Variants in ELMO1 observed in about 807,000 individuals in gnomAD.
ELMO1 encodes engulfment and cell motility 1, also known as engulfment and cell motility protein 1.
A neutral mutation model predicts 98.9 loss-of-function variants in ELMO1; 26 were observed. The ratio of observed to expected loss-of-function variants is 0.26; its 90% CI spans 0.19 to 0.36. The LOEUF is 0.36. ELMO1 is among the 10% of genes least tolerant of loss of function. ELMO1 has a pLI of 1.00. For synonymous variants in ELMO1, 346 were observed against 346.0 expected (o/e 1.00, Z 0.00); for missense variants, 627 against 935.2 (o/e 0.67, Z 4.30).
chr7:37,163,477 A>G (rs960692862), intron 13 of ELMO1, among the ~76,000 whole-genome samples: 6 of 151,990 alleles, frequency 3.9e-5, no homozygotes, highest in African/African-American at 1.2e-4. Flanking sequence ...ATATCTCCCA[A>G]TGCTATCCCT....
intron 15 of ELMO1, among the ~76,000 whole-genome samples, chr7:37,044,339 G>T (rs1204447745): frequency 1.3e-5 from 2 of 152,158 alleles, no homozygotes; most frequent in Non-Finnish European, 2.9e-5. Context: ...AAAAGCTAAT[G>T]TGAGTGTACA....
intron 1 of ELMO1, among the ~76,000 whole-genome samples, chr7:37,418,387 A>G (rs1804322288): frequency 6.6e-6 from 1 of 152,198 alleles, no homozygotes; most frequent in African/African-American, 2.4e-5. Context: ...CCCTGACAGC[A>G]GCCTGCAGCA....
intron 16 of ELMO1, among the ~76,000 whole-genome samples, chr7:37,007,207 C>T (rs145405283): frequency 1.1e-4 from 17 of 152,254 alleles, no homozygotes; most frequent in Non-Finnish European, 2.5e-4. Flanking sequence ...TTGTTAATCG[C>T]CTAGACAGTT....
chr7:37,218,504 A>C (rs527965511), intron 10 of ELMO1, among the ~76,000 whole-genome samples: 28 of 152,240 alleles, frequency 1.8e-4, no homozygotes, highest in Non-Finnish European at 3.4e-4. Context: ...GAAAATAGAA[A>C]TATCCATGCC....
At chr7:36,956,801 T>TAAA (rs148382805) in intron 16 of ELMO1, among the ~76,000 whole-genome samples, 4,626 of 152,202 alleles carry the variant, frequency 0.03, 228 homozygotes, top group African/African-American at 0.1. Context: ...ACTTAATGAG[T>TAAA]AAATAATCAG....
At chr7:37,437,296 G>A (rs1805191035) in intron 1 of ELMO1, among the ~76,000 whole-genome samples, 1 of 151,822 alleles carries the variant, frequency 6.6e-6, no homozygotes, top group Admixed American at 6.6e-5. Flanking sequence ...TCCCCTCAAA[G>A]TAAAAAAAAA....
rs117324797 is a variant in ELMO1 at position 37,041,570 on chromosome 7, C to T, written c.1301-28135G>A. 6.3e-3 allele frequency among the ~76,000 whole-genome samples: 957 copies of T among 152,164 alleles called. 7 individuals carry two copies. The highest frequency in any genetic ancestry group is 0.011 in the Non-Finnish European group (724 of 67,998). ...AGTGAGGAAGTGGGGAGCAAGGAAG[C>T]GGGGAGACACTGTTTGAAAAGTATC... On this transcript the variant is annotated intron_variant, in intron 15 of 21. Coordinates refer to ENST00000310758, the MANE Select transcript of ELMO1 (RefSeq NM_014800.11).
chr7:36,888,532 C>T (rs1048536849), intron 17 of ELMO1, among the ~76,000 whole-genome samples: 2 of 152,194 alleles, frequency 1.3e-5, no homozygotes, highest in African/African-American at 2.4e-5. Context: ...GAGTTTCAGT[C>T]TAGGCTCTGC....
chr7:37,434,343 C>T (rs1318696120), intron 1 of ELMO1, among the ~76,000 whole-genome samples: 1 of 152,170 alleles, frequency 6.6e-6, no homozygotes, highest in African/African-American at 2.4e-5. Context: ...TCCTGGGTCC[C>T]CAGTGATTCT....
chr7:37,448,352 C>A (rs1450892075), intron 1 of ELMO1, among the ~76,000 whole-genome samples: 2 of 151,132 alleles, frequency 1.3e-5, no homozygotes, highest in Admixed American at 1.3e-4. Context: ...GGCTCCCGGG[C>A]CCCGGGCCCT....
At chr7:37,406,988 A>G (rs370411607) in intron 1 of ELMO1, among the ~76,000 whole-genome samples, 22 of 152,342 alleles carry the variant, frequency 1.4e-4, no homozygotes, top group African/African-American at 5.3e-4. Context: ...ATTGGAGGGT[A>G]AATTAATATA....
intron 8 of ELMO1, among the ~76,000 whole-genome samples, chr7:37,227,653 TG>T (rs1195759628): frequency 6.6e-6 from 1 of 152,210 alleles, no homozygotes; most frequent in African/African-American, 2.4e-5. Context: ...CCCAAAGTGC[TG>T]GGATTACAGG....
At chr7:36,958,696 C>A (rs1179089105) in intron 16 of ELMO1, among the ~76,000 whole-genome samples, 8 of 152,090 alleles carry the variant, frequency 5.3e-5, no homozygotes, top group Non-Finnish European at 8.8e-5. Context: ...TCTCGTGGCA[C>A]TACAAAACGC....
chr7:37,087,535 A>T lies in ELMO1; in HGVS notation c.1300+9084T>A, dbSNP rs543608835. ...ACTATTTTAACATTATTGGGTTTAA[A>T]TTGAAATTAGCATCTGGGTTTTCAC... On this transcript the variant is annotated intron_variant, in intron 15 of 21. Coordinates refer to ENST00000310758, the MANE Select transcript of ELMO1 (RefSeq NM_014800.11). Among the ~76,000 whole-genome samples the T allele has an allele frequency of 3.3e-5, 5 of 152,264 alleles. No homozygotes were observed. The East Asian group carries it at 7.7e-4, about 24-fold the overall frequency.
At chr7:37,304,045 T>TC (rs1416174107) in intron 4 of ELMO1, among the ~76,000 whole-genome samples, 1 of 152,210 alleles carries the variant, frequency 6.6e-6, no homozygotes, top group Non-Finnish European at 1.5e-5. Flanking sequence ...TGTTTTTTTT[T>TC]CTTCATCCTG....
chr7:37,038,065 A>G (rs925103610), intron 15 of ELMO1, among the ~76,000 whole-genome samples: 2 of 152,150 alleles, frequency 1.3e-5, no homozygotes, highest in African/African-American at 4.8e-5. Flanking sequence ...TATATTCCTT[A>G]GCTGTCTCTG....
chr7:37,431,995 C>A (rs1407659704), intron 1 of ELMO1, among the ~76,000 whole-genome samples: 1 of 152,210 alleles, frequency 6.6e-6, no homozygotes, highest in Non-Finnish European at 1.5e-5. Context: ...GATTCTCCTG[C>A]CTCAGCCTCC....
Position 36,936,029 on chromosome 7 carries a change from A to G in ELMO1, c.1438-41012T>C, listed in dbSNP as rs549888384. On this transcript the variant is annotated intron_variant, in intron 16 of 21. Coordinates refer to ENST00000310758, the MANE Select transcript of ELMO1 (RefSeq NM_014800.11). The stretch of plus-strand genomic sequence containing the variant: ...CCCTGTTTTATTCAGGTGTCCACTC[A>G]CCCTCCAGGCAGCCCTAGCACCTGA... Among the ~76,000 whole-genome samples, 25 of 151,942 alleles carry G rather than the reference A, an allele frequency of 1.6e-4. 1 individual carries two copies. In the South Asian group the frequency reaches 5.0e-3, roughly 30 times the overall value.
chr7:37,147,927 C>T (rs532240358), intron 13 of ELMO1, among the ~76,000 whole-genome samples: 8 of 152,124 alleles, frequency 5.3e-5, no homozygotes, highest in South Asian at 2.1e-4. Context: ...TACTAACTTC[C>T]GTTGTTAGTT....
Sources: allele counts gnomAD v4.1 joint callset (sites outside exome capture counted in the v4.1 genomes callset), GRCh38; gene constraint gnomAD v4.1.1; transcripts MANE v1.5; gene names NCBI Gene and HGNC (gene_info 2026-07-23, HGNC 2026-07-21).